The following DMBT1 variants were observed in gnomAD, a reference collection of about 807,000 sequenced individuals.
DMBT1 encodes scavenger receptor cysteine-rich domain-containing protein DMBT1.
A neutral mutation model predicts 252.9 loss-of-function variants in DMBT1; 198 were observed. The ratio of observed to expected loss-of-function variants is 0.78; its 90% CI spans 0.70 to 0.88. DMBT1 has a LOEUF of 0.88. Ranked by LOEUF, DMBT1 falls within the 40% of genes least tolerant of loss-of-function variation. The pLI, the probability that DMBT1 is intolerant of heterozygous loss-of-function variation, is 0.00. For missense variants in DMBT1, 2,432 were observed against 2,404.7 expected (o/e 1.01, Z -0.24); for synonymous variants, 990 against 942.7 (o/e 1.05, Z -0.92).
Position 122,640,170 on chromosome 10 carries a change from T to C in DMBT1, c.7073T>C (p.Met2358Thr), listed in dbSNP as rs751290221. The C allele has an allele frequency of 5.0e-6, 8 of 1,614,072 alleles. No homozygotes were observed. The Admixed American group carries it at 5.0e-5, about 10-fold the overall frequency. ...RMLQNTWVDT[M>T]YIANDTIHVA... ...CTTCAGAACACCTGGGTCGACACCA[T>C]GTACATTGCTAATGACACCATCCAC... The change falls in exon 55 of 56, where the codon ATG becomes ACG. Residue 2358 changes from methionine to threonine, a missense_variant. By Grantham distance (81) the Met-to-Thr change is moderately conservative. Coordinates refer to ENST00000338354, the MANE Select transcript of DMBT1 (RefSeq NM_001377530.1).
intron 1 of DMBT1, among the ~76,000 whole-genome samples, chr10:122,563,065 A>T (rs1183044847): frequency 6.6e-6 from 1 of 152,210 alleles, no homozygotes; most frequent in Non-Finnish European, 1.5e-5. Flanking sequence ...TTGGAGCCTG[A>T]CCACAGAGCT....
chr10:122,626,849 T>A (rs1479750085), intron 46 of DMBT1, among the ~76,000 whole-genome samples: 1 of 152,194 alleles, frequency 6.6e-6, no homozygotes, highest in Non-Finnish European at 1.5e-5. Flanking sequence ...AAGTTCCTTA[T>A]GGAAGTGACA....
chr10:122,601,046 C>T (rs1323573925), intron 28 of DMBT1, 23 bp downstream of exon 28: 1 of 838,532 alleles, frequency 1.2e-6, no homozygotes, highest in Non-Finnish European at 1.9e-6. Flanking sequence ...CTCACCCCTC[C>T]CTAGGGCTCA....
chr10:122,597,888 G>C (rs2097898306), intron 24 of DMBT1, 86 bp from the exon 25 acceptor site: 2 of 1,600,402 alleles, frequency 1.2e-6, no homozygotes, highest in Middle Eastern at 1.7e-4. Context: ...TAGTTTTCAT[G>C]ATGTTTGCCT....
At chr10:122,626,552 A>G in intron 46 of DMBT1, among the ~76,000 whole-genome samples, 1 of 152,212 alleles carries the variant, frequency 6.6e-6, no homozygotes, top group Non-Finnish European at 1.5e-5. Context: ...ACCAAAGTCA[A>G]TGTCATTGTA....
At chr10:122,566,570 A>G (rs1266383298) in intron 2 of DMBT1, among the ~76,000 whole-genome samples, 2 of 152,112 alleles carry the variant, frequency 1.3e-5, no homozygotes, top group African/African-American at 4.8e-5. Context: ...TCGGCCTCCC[A>G]AAGTGCTGGG....
chr10:122,619,056 T>C (rs1210223271), intron 41 of DMBT1, among the ~76,000 whole-genome samples: 3 of 152,170 alleles, frequency 2.0e-5, no homozygotes, highest in Non-Finnish European at 4.4e-5. Context: ...AGAGTGTTGG[T>C]TTTGGGTCAA....
intron 24 of DMBT1, among the ~76,000 whole-genome samples, chr10:122,597,601 TG>T (rs577782296): frequency 5.3e-5 from 8 of 152,350 alleles, no homozygotes; most frequent in African/African-American, 1.9e-4. Flanking sequence ...CTCCACTTAC[TG>T]GGAAACTTGA....
At chr10:122,628,149 C>T (rs1266965016) in intron 46 of DMBT1, among the ~76,000 whole-genome samples, 2 of 152,156 alleles carry the variant, frequency 1.3e-5, no homozygotes, top group Non-Finnish European at 2.9e-5. Context: ...ACCATATGAC[C>T]CAGCAGTTGT....
Position 122,569,211 on chromosome 10 carries a change from G to C in DMBT1, c.92-951G>C, listed in dbSNP as rs1479523167. 2.6e-5 allele frequency among the ~76,000 whole-genome samples: 4 copies of C among 152,190 alleles called. No individual in the cohort carries two copies. The East Asian group carries it at 7.7e-4, about 29-fold the overall frequency. On this transcript the variant is annotated intron_variant, in intron 2 of 55. Coordinates refer to ENST00000338354, the MANE Select transcript of DMBT1 (RefSeq NM_001377530.1). ...GATGAGCAGCATCACGACCACCCCC[G>C]GCCTGGGATACCAAATATATATCTT...
At chr10:122,591,180 T>C (rs896082683) in intron 18 of DMBT1, among the ~76,000 whole-genome samples, 1 of 148,738 alleles carries the variant, frequency 6.7e-6, no homozygotes, top group African/African-American at 2.4e-5. Context: ...AGGCTCAGCA[T>C]TGGTGTCAGA....
chr10:122,585,979 A>G, intron 15 of DMBT1, 81 bp from the exon 16 acceptor site: 5 of 1,574,256 alleles, frequency 3.2e-6, no homozygotes, highest in Non-Finnish European at 4.3e-6. Flanking sequence ...AGCCATTAGG[A>G]CGTGCCTTGA....
Position 122,593,564 on chromosome 10 carries a change from C to G in DMBT1, c.2501-5C>G, listed in dbSNP as rs1231601771. On this transcript the variant is annotated splice_polypyrimidine_tract_variant and splice_region_variant and intron_variant, in intron 20 of 55. Coordinates refer to ENST00000338354, the MANE Select transcript of DMBT1 (RefSeq NM_001377530.1). ...TGATCTGACCTTCTCTTCTCTTTCTCACAGTTTCCCAGTCCCGGCCGACAC... is the reference window on the plus strand; with the variant it reads ...TGATCTGACCTTCTCTTCTCTTTCTGACAGTTTCCCAGTCCCGGCCGACAC... The G allele has an allele frequency of 4.4e-6, 7 of 1,586,394 alleles. No homozygotes were observed. The highest frequency in any genetic ancestry group is 1.7e-5 in the Admixed American group (1 of 59,394).
At position 122,643,162 on chromosome 10, in the gene DMBT1, T is replaced by A; in HGVS notation, c.7393T>A (p.Ser2465Thr). The A allele has an allele frequency of 6.2e-7, 1 of 1,613,844 alleles. No homozygotes were observed. The stretch of plus-strand genomic sequence containing the variant: ...CACCTACGGACCCTACTCCTCGCCA[T>A]CTCTTCGCATTGCCCGCTTCCGGTT... ...DDTYGPYSSP[S>T]LRIARFRFRA... Residue 2465 changes from serine (S) to threonine (T), a missense_variant, in exon 56 of 56, where the codon TCT (serine) becomes ACT (threonine). Coordinates refer to ENST00000338354, the MANE Select transcript of DMBT1 (RefSeq NM_001377530.1).
At chr10:122,617,361 A>T in intron 40 of DMBT1, 101 bp downstream of exon 40, 1 of 1,408,144 alleles carries the variant, frequency 7.1e-7, no homozygotes, top group Non-Finnish European at 9.9e-7. Context: ...CTCTCTTTTC[A>T]TGTCCCTGTG....
At chr10:122,630,263 A>T in intron 47 of DMBT1, 25 bp from the exon 48 acceptor site, 1 of 1,602,618 alleles carries the variant, frequency 6.2e-7, no homozygotes, top group Non-Finnish European at 8.5e-7. Context: ...TTCAATGTTG[A>T]CTTGAATACA....
At chr10:122,573,653 TG>T in intron 5 of DMBT1, 61 bp from the exon 6 acceptor site, 1 of 1,598,154 alleles carries the variant, frequency 6.3e-7, no homozygotes, top group African/African-American at 1.3e-5. Context: ...GAGCAAGCCC[TG>T]GACCAACCCT....
Position 122,579,744 on chromosome 10 carries a change from A to G in DMBT1, c.846A>G (p.Ser282=), listed in dbSNP as rs776066256. The G allele has an allele frequency of 2.0e-5, 32 of 1,613,702 alleles. No individual in the cohort carries two copies. The highest frequency in any genetic ancestry group is 6.7e-5 in the African/African-American group (5 of 74,918). Residue 282 remains serine (S), a synonymous_variant, in exon 10 of 56, where the codon TCA becomes TCG. Transcript: ENST00000338354. The part of the protein sequence containing the change: ...CRQLGCGWAM[S]APGNAQFGQG... ...AGCTGGGCTGTGGCTGGGCCATGTC[A>G]GCCCCAGGAAATGCCCAGTTTGGCC...
At chr10:122,562,203 T>C (rs2097553561) in intron 1 of DMBT1, among the ~76,000 whole-genome samples, 8 of 151,968 alleles carry the variant, frequency 5.3e-5, no homozygotes, top group Admixed American at 5.2e-4. Context: ...TCCTACTGCC[T>C]TTTTTTTCTT....
Sources: allele counts gnomAD v4.1 joint callset (sites outside exome capture counted in the v4.1 genomes callset), GRCh38; gene constraint gnomAD v4.1.1; transcripts MANE v1.5; gene names NCBI Gene and HGNC (gene_info 2026-07-23, HGNC 2026-07-21).